Variants in SATB2 observed in about 807,000 individuals in gnomAD.
SATB2 encodes the protein SATB homeobox 2, also known as DNA-binding protein SATB2.
Under a neutral mutation model 73.4 loss-of-function variants are expected in SATB2, and 1 was observed. The ratio of observed to expected loss-of-function variants is 0.01; its 90% CI spans 0.00 to 0.06. The LOEUF (loss-of-function observed/expected upper bound fraction) is 0.06, where lower values mean the gene tolerates loss of function less well. Among genes scored for constraint, SATB2 ranks in the 10% least tolerant of loss-of-function variants. SATB2 has a pLI of 1.00. For missense variants in SATB2, 459 were observed against 945.8 expected (o/e 0.49, Z 6.75); for synonymous variants, 397 against 367.0 (o/e 1.08, Z -0.93).
Position 199,360,286 on chromosome 2 carries a change from C to G in SATB2, c.700+8319G>C, listed in dbSNP as rs562345715. Among the ~76,000 whole-genome samples, 30 of 152,256 alleles carry G rather than the reference C, an allele frequency of 2.0e-4. No homozygotes were observed. The East Asian group carries it at 5.4e-3, about 27-fold the overall frequency. ...CACACTTCTGTAGATTCTTTGTCAG[C>G]CCCCATCACATCTATGTTTTTGAGT... On this transcript the variant is annotated intron_variant, in intron 6 of 10. Transcript: ENST00000417098.
chr2:199,456,627 G>A (rs1000784368), intron 1 of SATB2, among the ~76,000 whole-genome samples: 9 of 152,140 alleles, frequency 5.9e-5, no homozygotes, highest in African/African-American at 2.2e-4. Flanking sequence ...TACCTATACG[G>A]AGCAAGTCCT....
chr2:199,381,503 G>A lies in SATB2; in HGVS notation c.473+191C>T, dbSNP rs564934568. Among the ~76,000 whole-genome samples, 8 of 152,254 alleles carry A rather than the reference G, an allele frequency of 5.3e-5. No individual in the cohort carries two copies. In the East Asian group the frequency reaches 1.4e-3, roughly 26 times the overall value. On this transcript the variant is annotated intron_variant, in intron 4 of 10. Transcript: ENST00000417098. ...CTGAAAACAAAGCATAAAGTAGTTG[G>A]AATGTGACTATAAAGACACCTGGGG...
chr2:199,288,540 T>C (rs1692752152), intron 10 of SATB2, among the ~76,000 whole-genome samples: 1 of 152,154 alleles, frequency 6.6e-6, no homozygotes, highest in African/African-American at 2.4e-5. Flanking sequence ...ATTTTTACAG[T>C]TGGGGTACTC....
At chr2:199,334,508 A>G (rs1291611849) in intron 7 of SATB2, among the ~76,000 whole-genome samples, 2 of 152,084 alleles carry the variant, frequency 1.3e-5, no homozygotes, top group East Asian at 3.9e-4. Context: ...TGGCACTCAT[A>G]TGGGCCAACC....
At chr2:199,274,848 G>T (rs1207198193) in intron 10 of SATB2, among the ~76,000 whole-genome samples, 4 of 152,060 alleles carry the variant, frequency 2.6e-5, no homozygotes, top group South Asian at 4.2e-4. Flanking sequence ...GGGGTGGGGG[G>T]ACTGGTGCTG....
chr2:199,421,999 T>C (rs1159137762), intron 3 of SATB2, among the ~76,000 whole-genome samples: 1 of 152,238 alleles, frequency 6.6e-6, no homozygotes, highest in Admixed American at 6.5e-5. Context: ...CCTAATTTAC[T>C]GACCATTCCT....
intron 7 of SATB2, among the ~76,000 whole-genome samples, chr2:199,333,366 G>C (rs1423581124): frequency 6.6e-6 from 1 of 151,984 alleles, no homozygotes; most frequent in Non-Finnish European, 1.5e-5. Context: ...TTGGCTCAAA[G>C]GAGGGAGAAA....
rs1688112110 is a variant in SATB2, at chr2:199,328,984, CT to C, written c.1174-75del. ...TGTGTGTGGTTTCTGTCTTCCACCC[CT>C]CTCCTCCTTTGTTTGGTTTAACCAG... On this transcript the variant is annotated intron_variant, in intron 7 of 10. Coordinates refer to ENST00000417098, the MANE Select transcript of SATB2 (RefSeq NM_001172509.2). 4 of 1,145,808 alleles carry C rather than the reference CT, an allele frequency of 3.5e-6. No individual in the cohort carries two copies. In the Admixed American group the frequency reaches 7.5e-5, roughly 22 times the overall value. The allele number at this position is 1,145,808 out of a possible 1,614,324, so 71.0% of individuals were successfully genotyped here. A position where few individuals can be genotyped will look rare whatever the true frequency, so the allele number is the denominator to read the frequency against.
intron 8 of SATB2, chr2:199,326,114 T>C (rs1039394369): frequency 6.6e-6 from 1 of 152,134 alleles, no homozygotes; most frequent in East Asian, 1.9e-4. Context: ...ACTCCTCTAA[T>C]ACTTGTTCTC....
intron 2 of SATB2, among the ~76,000 whole-genome samples, chr2:199,453,593 A>G (rs1046296088): frequency 1.3e-5 from 2 of 152,046 alleles, no homozygotes; most frequent in Non-Finnish European, 2.9e-5. Context: ...AAAATTTAGA[A>G]TGTGCATTTT....
At chr2:199,386,706 GCGCGCGCGCGCACACACACACACACA>G (rs1416789717) in intron 3 of SATB2, among the ~76,000 whole-genome samples, 1,095 of 95,958 alleles carry the variant, frequency 0.011, 13 homozygotes, top group Admixed American at 0.018. Flanking sequence ...GCGCGCGCGC[GCGCGCGCGCGCACACACACACACACA>G]CACACACACA....
intron 9 of SATB2, among the ~76,000 whole-genome samples, chr2:199,317,625 T>C (rs1333771981): frequency 6.6e-6 from 1 of 152,068 alleles, no homozygotes; most frequent in Non-Finnish European, 1.5e-5. Flanking sequence ...GTCTAAGGAC[T>C]CCTATAAAGA....
chr2:199,437,920 T>C (rs540032788), intron 2 of SATB2, among the ~76,000 whole-genome samples: 15 of 152,144 alleles, frequency 9.9e-5, no homozygotes, highest in South Asian at 2.1e-4. Context: ...AAATGACAAC[T>C]GGCTTAAAGT....
intron 9 of SATB2, among the ~76,000 whole-genome samples, chr2:199,313,785 G>C (rs1449826314): frequency 6.6e-6 from 1 of 152,136 alleles, no homozygotes; most frequent in African/African-American, 2.4e-5. Context: ...TTTCATTAAT[G>C]AGTTGCATAA....
At position 199,457,831 on chromosome 2, in the gene SATB2, G is replaced by A. The variant is rs1213736859; in HGVS notation, c.-552C>T. ...GACCGGTAACACCAAGAGCCGAGAA[G>A]ACGCAGGGACCCGGGACCGCGCGCG... On this transcript the variant is annotated 5_prime_UTR_variant, in exon 1 of 11. Coordinates refer to ENST00000417098, the MANE Select transcript of SATB2 (RefSeq NM_001172509.2). This position sits in a 1 kb window ranked among gnomAD's most constrained non-coding sequence, Gnocchi z 4.8. 2 of 153,542 alleles carry A rather than the reference G, an allele frequency of 1.3e-5. No homozygotes were observed. Among genetic ancestry groups the A allele is most frequent in the African/African-American group, 4.8e-5 (2 of 41,392 alleles). 9.5% of individuals were successfully genotyped at this position (153,542 alleles called of 1,614,324 possible). A position where few individuals can be genotyped will look rare whatever the true frequency, so the allele number is the denominator to read the frequency against.
chr2:199,389,950 AT>A (rs1315587208), intron 3 of SATB2, among the ~76,000 whole-genome samples: 1 of 152,168 alleles, frequency 6.6e-6, no homozygotes, highest in African/African-American at 2.4e-5. Context: ...GGCTTTTACA[AT>A]TTTGCGGCAT....
chr2:199,354,741 G>C (rs1324058965), intron 6 of SATB2, among the ~76,000 whole-genome samples: 1 of 152,062 alleles, frequency 6.6e-6, no homozygotes, highest in Non-Finnish European at 1.5e-5. Context: ...AAGTTTCCTG[G>C]GACTGAGTGA....
chr2:199,366,893 T>C (rs1394986204), intron 6 of SATB2, among the ~76,000 whole-genome samples: 1 of 134,524 alleles, frequency 7.4e-6, no homozygotes, highest in Non-Finnish European at 1.6e-5. Context: ...TGAGTGTTAA[T>C]GTGCGAATGC....
chr2:199,410,443 G>A (rs1690777452), intron 3 of SATB2, among the ~76,000 whole-genome samples: 1 of 152,166 alleles, frequency 6.6e-6, no homozygotes. Flanking sequence ...CTATTCCTCA[G>A]TACAGATAAC....
Sources: allele counts gnomAD v4.1 joint callset (sites outside exome capture counted in the v4.1 genomes callset), GRCh38; gene constraint gnomAD v4.1.1; non-coding constraint Gnocchi (gnomAD v3.1); transcripts MANE v1.5; gene names NCBI Gene and HGNC (gene_info 2026-07-23, HGNC 2026-07-21).